The following PADI2 variants were observed in gnomAD, a reference collection of about 807,000 sequenced individuals.
The protein encoded by PADI2 is protein-arginine deiminase type-2.
PADI2 carries 70 observed loss-of-function variants against 81.1 expected under a neutral mutation model. That is an observed-to-expected ratio of 0.86 (90% confidence interval 0.71 to 1.05). The LOEUF is 1.05. Ranked by LOEUF, PADI2 falls within the 50% of genes least tolerant of loss-of-function variation. The probability of loss-of-function intolerance (pLI) is 0.00; values close to 1 mark genes in which losing one functional copy is unlikely to be tolerated. For synonymous variants in PADI2, 338 were observed against 358.0 expected, an observed-to-expected ratio of 0.94 and a Z score of 0.63; for missense variants, 853 against 889.9, an observed-to-expected ratio of 0.96 and a Z score of 0.53.
At position 17,086,530 on chromosome 1, in the gene PADI2, G is replaced by A; in HGVS notation, c.825C>T (p.Tyr275=). ...LVSIHVSLLE[Y]MAQDIPLTPI... is the part of the protein sequence containing the mutation. ...GGCCTGGAGCCCTCACCTGGGCCAT[G>A]TACTCCAGCAGGCTGACATGGATGG... is the stretch of plus-strand genomic sequence containing the variant. Residue 275 remains tyrosine (Y), a synonymous_variant, in exon 7 of 16, where the codon TAC becomes TAT. Transcript: ENST00000375486. 1 of 1,613,064 alleles carries A rather than the reference G, an allele frequency of 6.2e-7. No homozygotes were observed. The highest frequency in any genetic ancestry group is 1.3e-5 in the African/African-American group (1 of 75,058).
At chr1:17,081,674 G>A (rs2078344774) in intron 10 of PADI2, among the ~76,000 whole-genome samples, 1 of 152,174 alleles carries the variant, frequency 6.6e-6, no homozygotes, top group Admixed American at 6.5e-5. Context: ...GCCTGTTCAG[G>A]GCAGAAGAGT....
chr1:17,095,773 T>C lies in PADI2; in HGVS notation c.411+136A>G, dbSNP rs1930901009. ...TGAGCTCCTCTGTGGGTTCCATCAT[T>C]GGTATGCTGTGTGTCTGGGAGCCTG... On this transcript the variant is annotated intron_variant, in intron 4 of 15. Coordinates refer to ENST00000375486, the MANE Select transcript of PADI2 (RefSeq NM_007365.3). The C allele has an allele frequency of 8.0e-6, 5 of 628,420 alleles. No homozygotes were observed. The Admixed American group carries it at 1.3e-4, about 17-fold the overall frequency. 38.9% of individuals were successfully genotyped at this position (628,420 alleles called of 1,614,324 possible).
rs1236024824 is a variant in PADI2 at position 17,068,982 on chromosome 1, G to T, written c.*62C>A. On this transcript the variant is annotated 3_prime_UTR_variant, in exon 16 of 16. Coordinates refer to ENST00000375486, the MANE Select transcript of PADI2 (RefSeq NM_007365.3). ...CAGTCCATGTCAGCAGAAGGCTCTG[G>T]GCGTGTGAGGGAGGGTCTGGAGAAC... 18 of 1,235,764 alleles carry T rather than the reference G, an allele frequency of 1.5e-5. No individual in the cohort carries two copies. The South Asian group carries it at 2.0e-4, about 14-fold the overall frequency. 76.5% of individuals were successfully genotyped at this position (1,235,764 alleles called of 1,614,324 possible).
At chr1:17,085,731 C>G (rs938922246) in intron 7 of PADI2, among the ~76,000 whole-genome samples, 1 of 152,212 alleles carries the variant, frequency 6.6e-6, no homozygotes, top group African/African-American at 2.4e-5. Context: ...AGGGCTCATT[C>G]TCATACATCT....
intron 11 of PADI2, 161 bp downstream of exon 11, chr1:17,079,103 T>C: frequency 1.7e-6 from 1 of 580,856 alleles, no homozygotes; most frequent in Non-Finnish European, 3.0e-6. Flanking sequence ...AAGGCTAGCT[T>C]GATTTTCTTT....
chr1:17,090,925 C>T (rs1328929923), intron 6 of PADI2, among the ~76,000 whole-genome samples: 1 of 152,020 alleles, frequency 6.6e-6, no homozygotes, highest in Admixed American at 6.6e-5. Context: ...TCTCGTGTCA[C>T]GACACCAAGG....
intron 7 of PADI2, among the ~76,000 whole-genome samples, chr1:17,084,927 C>T (rs1428274759): frequency 6.6e-6 from 1 of 152,204 alleles, no homozygotes; most frequent in South Asian, 2.1e-4. Context: ...ATGGGGAAAC[C>T]GAGTCACAGG....
intron 6 of PADI2, among the ~76,000 whole-genome samples, chr1:17,088,461 C>A (rs1372270908): frequency 6.6e-6 from 1 of 152,092 alleles, no homozygotes; most frequent in Non-Finnish European, 1.5e-5. Context: ...GTGGATGAAC[C>A]GCGAAGCCAG....
At chr1:17,118,779 C>T (rs1302702518) in intron 1 of PADI2, among the ~76,000 whole-genome samples, 1 of 152,194 alleles carries the variant, frequency 6.6e-6, no homozygotes, top group Non-Finnish European at 1.5e-5. Flanking sequence ...CCTGAGTAAC[C>T]TCCAGGGCCG....
rs572168084 is a variant in PADI2, at chr1:17,114,890, G to A, written c.92+4390C>T. The stretch of plus-strand genomic sequence containing the variant: ...GGCTAACAGCATCCACAAAGCCAGC[G>A]TGGCCGGAATGGAGTGTGTGCTGAG... On this transcript the variant is annotated intron_variant, in intron 1 of 15. Transcript: ENST00000375486. Among the ~76,000 whole-genome samples the A allele has an allele frequency of 1.1e-4, 16 of 152,292 alleles. 1 individual carries two copies. Among genetic ancestry groups the A allele is most frequent in the Middle Eastern group, 3.4e-3 (1 of 294 alleles).
At chr1:17,102,935 G>A in intron 3 of PADI2, 52 bp downstream of exon 3, 1 of 1,373,334 alleles carries the variant, frequency 7.3e-7, no homozygotes, top group Non-Finnish European at 1.0e-6. Flanking sequence ...AAGGACAACA[G>A]TGCCAGGCCC....
chr1:17,096,248 G>A (rs1231814476), intron 3 of PADI2, among the ~76,000 whole-genome samples: 1 of 152,212 alleles, frequency 6.6e-6, no homozygotes, highest in Non-Finnish European at 1.5e-5. Context: ...TCTGGCTGGG[G>A]GTTGGGGAAT....
chr1:17,071,269 C>G (rs1452309278), intron 14 of PADI2, 137 bp downstream of exon 14: 2 of 619,894 alleles, frequency 3.2e-6, no homozygotes, highest in Admixed American at 2.8e-5. Context: ...GGTGGAGGCT[C>G]TTCCCTGTGC....
Position 17,079,490 on chromosome 1 carries a change from T to C in PADI2, c.1159-75A>G, listed in dbSNP as rs991330694. 1.1e-5 allele frequency: 14 copies of C among 1,286,078 alleles called. No individual in the cohort carries two copies. The Admixed American group carries it at 2.7e-4, about 25-fold the overall frequency. 79.7% of individuals were successfully genotyped at this position (1,286,078 alleles called of 1,614,324 possible). ...AGCCCCCAAGCCAGCCACCCTCTTT[T>C]ATCACCTTCAGTCTGGGTCTGTGGG... is the stretch of plus-strand genomic sequence containing the variant. On this transcript the variant is annotated intron_variant, in intron 10 of 15. Coordinates refer to ENST00000375486, the MANE Select transcript of PADI2 (RefSeq NM_007365.3).
At chr1:17,093,726 CTTGT>C in intron 4 of PADI2, 42 bp from the exon 5 acceptor site, 3 of 1,180,730 alleles carry the variant, frequency 2.5e-6, no homozygotes, top group Non-Finnish European at 3.8e-6. Context: ...CTTCTCTATG[CTTGT>C]ATAGACCCCA....
chr1:17,079,267 G>A lies in PADI2; in HGVS notation c.1307C>T (p.Pro436Leu). 4 of 1,613,326 alleles carry A rather than the reference G, an allele frequency of 2.5e-6. No individual in the cohort carries two copies. The highest frequency in any genetic ancestry group is 3.4e-6 in the Non-Finnish European group (4 of 1,179,530). Residue 436 changes from proline to leucine, a missense_variant, in exon 11 of 16, where the codon CCT becomes CTT. By Grantham distance (98) the Pro-to-Leu change is moderately conservative. Transcript: ENST00000375486. ...GCCCCAGCCTGGCTTCTCTTACAGA[G>A]GAAAGCTGCTCCCGATGAGGATGCG... is the stretch of plus-strand genomic sequence containing the variant. ...LGRILIGSSF[P>L]LSGGRRMTKV...
intron 5 of PADI2, among the ~76,000 whole-genome samples, chr1:17,093,230 G>C (rs1170563886): frequency 6.6e-6 from 1 of 151,754 alleles, no homozygotes; most frequent in African/African-American, 2.4e-5. Context: ...TGAGTAGTTG[G>C]GATTACAGGT....
chr1:17,092,162 C>T (rs918708536), intron 6 of PADI2, among the ~76,000 whole-genome samples: 6 of 152,094 alleles, frequency 3.9e-5, no homozygotes, highest in African/African-American at 9.7e-5. Flanking sequence ...TCCCCTGATT[C>T]GTAGGGAGGA....
intron 6 of PADI2, among the ~76,000 whole-genome samples, chr1:17,088,171 G>A (rs1930537837): frequency 6.6e-6 from 1 of 152,140 alleles, no homozygotes; most frequent in African/African-American, 2.4e-5. Context: ...GGAAGCATTT[G>A]AGCAGAGGAA....
Sources: gnomAD v4.1 joint callset for allele counts (sites outside exome capture counted in the v4.1 genomes callset) on GRCh38, gnomAD v4.1.1 for gene constraint, MANE v1.5 for transcripts, NCBI Gene and HGNC (gene_info 2026-07-23, HGNC 2026-07-21) for gene names.